Variants in SF3B6 observed in about 807,000 individuals in gnomAD.
SF3B6 encodes the protein SF3b 14 kDa subunit.
Under a neutral mutation model 15.9 loss-of-function variants are expected in SF3B6, and 3 were observed. The observed-to-expected ratio is 0.19, with a 90% CI of 0.09 to 0.49. The LOEUF is 0.49. Ranked by LOEUF, SF3B6 falls within the 20% of genes least tolerant of loss-of-function variation. The pLI is 0.97. For missense variants in SF3B6, 71 were observed against 154.3 expected, an observed-to-expected ratio of 0.46 and a Z score of 2.86; for synonymous variants, 49 against 51.1, an observed-to-expected ratio of 0.96 and a Z score of 0.18.
At position 24,067,656 on chromosome 2, in the gene SF3B6, T is replaced by C. The variant is rs977675648; in HGVS notation, c.*106A>G. 8.8e-6 allele frequency: 8 copies of C among 912,476 alleles called. No homozygotes were observed. The African/African-American group carries it at 1.0e-4, about 12-fold the overall frequency. 56.5% of individuals were successfully genotyped at this position (912,476 alleles called of 1,614,324 possible). ...GTATCAAAGTTTCAAGCAGGTCATTTTGAACCTCAAATAAGAAATCACAAT... is the reference window on the plus strand; with the variant it reads ...GTATCAAAGTTTCAAGCAGGTCATTCTGAACCTCAAATAAGAAATCACAAT... On this transcript the variant is annotated 3_prime_UTR_variant, in exon 4 of 4. Transcript: ENST00000233468.
intron 1 of SF3B6, 70 bp downstream of exon 1, chr2:24,076,130 C>T: frequency 6.3e-7 from 1 of 1,594,278 alleles, no homozygotes; most frequent in South Asian, 1.1e-5. Context: ...AGCAAGAATG[C>T]TCCGATCCAC....
intron 2 of SF3B6, 58 bp downstream of exon 2, chr2:24,074,018 T>C: frequency 8.8e-7 from 1 of 1,133,054 alleles, no homozygotes; most frequent in South Asian, 1.2e-5. Flanking sequence ...TCGTCAGCTA[T>C]AATTCTGAAA....
chr2:24,075,954 A>C (rs970658685), intron 1 of SF3B6, among the ~76,000 whole-genome samples: 1 of 151,984 alleles, frequency 6.6e-6, no homozygotes, highest in African/African-American at 2.4e-5. Context: ...CAAAGAGGCT[A>C]TAGGGGTAAC....
intron 2 of SF3B6, 155 bp downstream of exon 2, chr2:24,073,921 A>G (rs1664693020): frequency 3.5e-6 from 2 of 576,580 alleles, no homozygotes; most frequent in East Asian, 3.1e-5. Context: ...CCCCCTTCAA[A>G]AAGATCTCAT....
chr2:24,068,566 AT>A, intron 2 of SF3B6, 107 bp from the exon 3 acceptor site: 1 of 1,033,582 alleles, frequency 9.7e-7, no homozygotes, highest in Non-Finnish European at 1.4e-6. Flanking sequence ...AAAACAGTAA[AT>A]TGAAATACGT....
At chr2:24,070,799 G>C (rs1261205145) in intron 2 of SF3B6, among the ~76,000 whole-genome samples, 2 of 152,096 alleles carry the variant, frequency 1.3e-5, no homozygotes, top group African/African-American at 4.8e-5. Context: ...CAGAAAAACA[G>C]CTGTTTCTCA....
chr2:24,070,102 C>T (rs1162481573), intron 2 of SF3B6, among the ~76,000 whole-genome samples: 1 of 152,176 alleles, frequency 6.6e-6, no homozygotes, highest in Non-Finnish European at 1.5e-5. Flanking sequence ...TAGGGATAGA[C>T]ACTAACCCCA....
chr2:24,076,316 A>C lies in SF3B6; in HGVS notation c.-87T>G. On this transcript the variant is annotated 5_prime_UTR_variant, in exon 1 of 4. Coordinates refer to ENST00000233468, the MANE Select transcript of SF3B6 (RefSeq NM_016047.4). The stretch of plus-strand genomic sequence containing the variant: ...TCGGGGGTTACACCGCGTTAGATGC[A>C]GGACATCAACATCCAGGACCCGCCG... 1.3e-6 allele frequency: 2 copies of C among 1,523,194 alleles called. 1 individual carries two copies. Among genetic ancestry groups the C allele is most frequent in the Middle Eastern group, 3.4e-4 (2 of 5,920 alleles). 94.4% of individuals were successfully genotyped at this position (1,523,194 alleles called of 1,614,324 possible).
At chr2:24,068,053 C>A (rs1027421103) in intron 3 of SF3B6, among the ~76,000 whole-genome samples, 2 of 152,288 alleles carry the variant, frequency 1.3e-5, no homozygotes, top group Non-Finnish European at 1.5e-5. Context: ...GGCTCCACCC[C>A]CTGGGGTTCA....
chr2:24,070,692 G>A (rs746279202), intron 2 of SF3B6, among the ~76,000 whole-genome samples: 2 of 152,216 alleles, frequency 1.3e-5, no homozygotes, highest in Non-Finnish European at 2.9e-5. Context: ...AAAGTCCAGT[G>A]TCCCAGAAAA....
chr2:24,076,105 TG>T, intron 1 of SF3B6, 94 bp downstream of exon 1: 1 of 1,491,316 alleles, frequency 6.7e-7, no homozygotes, highest in Non-Finnish European at 9.4e-7. Flanking sequence ...TTCTCCGCTC[TG>T]GGGACGGAGG....
intron 2 of SF3B6, among the ~76,000 whole-genome samples, chr2:24,070,364 G>C (rs570289192): frequency 6.6e-6 from 1 of 152,108 alleles, no homozygotes; most frequent in African/African-American, 2.4e-5. Flanking sequence ...GGCAGGTCTC[G>C]AACTCCTGGC....
intron 1 of SF3B6, among the ~76,000 whole-genome samples, chr2:24,074,525 T>C (rs1401025170): frequency 6.6e-6 from 1 of 152,044 alleles, no homozygotes; most frequent in African/African-American, 2.4e-5. Context: ...CCAGGCATGG[T>C]GGTGGGTGTA....
intron 3 of SF3B6, 150 bp downstream of exon 3, chr2:24,068,171 G>C: frequency 2.7e-6 from 2 of 743,418 alleles, no homozygotes; most frequent in South Asian, 3.8e-5. Context: ...CACCGTGTTA[G>C]CCAGGATGGT....
At chr2:24,073,914 C>G (rs111841731) in intron 2 of SF3B6, 162 bp downstream of exon 2, 12 of 560,484 alleles carry the variant, frequency 2.1e-5, no homozygotes, top group South Asian at 4.4e-5. Flanking sequence ...TTTTCTCCCC[C>G]CTTCAAAAAG....
In SF3B6 at chr2:24,067,808, T is replaced by G. The variant is rs1331026035; in HGVS notation, c.332A>C (p.Lys111Thr). The change falls in exon 4 of 4, where the codon AAG becomes ACG. Residue 111 changes from lysine to threonine, a missense_variant. Coordinates refer to ENST00000233468, the MANE Select transcript of SF3B6 (RefSeq NM_016047.4). Reference sequence around the variant, plus strand: ...GATGCCATATTTCTCCTTGAGAAGCTTCAACTGTTCCTCCTTCTTCTTTGT... The same window carrying G: ...GATGCCATATTTCTCCTTGAGAAGCGTCAACTGTTCCTCCTTCTTCTTTGT... ...MDTKKKEEQLKLLKEKYGINT... is the reference protein window; with the variant it reads ...MDTKKKEEQLTLLKEKYGINT... The G allele has an allele frequency of 6.2e-7, 1 of 1,614,158 alleles. No individual in the cohort carries two copies. Among genetic ancestry groups the G allele is most frequent in the Non-Finnish European group, 8.5e-7 (1 of 1,180,024 alleles).
intron 2 of SF3B6, among the ~76,000 whole-genome samples, chr2:24,072,197 G>C (rs1351750387): frequency 2.6e-5 from 4 of 151,952 alleles, no homozygotes; most frequent in African/African-American, 9.7e-5. Context: ...ATTTGGCCAG[G>C]GTGGTCTCGA....
intron 2 of SF3B6, among the ~76,000 whole-genome samples, chr2:24,068,804 C>T (rs542398572): frequency 4.5e-4 from 69 of 152,170 alleles, no homozygotes; most frequent in Non-Finnish European, 8.1e-4. Flanking sequence ...GCTCTTGCCA[C>T]CCTGACTGGC....
At chr2:24,076,050 A>T in intron 1 of SF3B6, 150 bp downstream of exon 1, 1 of 999,692 alleles carries the variant, frequency 1.0e-6, no homozygotes. Flanking sequence ...ATCTCTGAGG[A>T]TGGGGCCGGA....
Sources: allele counts gnomAD v4.1 joint callset (sites outside exome capture counted in the v4.1 genomes callset), GRCh38; gene constraint gnomAD v4.1.1; transcripts MANE v1.5; gene names NCBI Gene and HGNC (gene_info 2026-07-23, HGNC 2026-07-21).